RHOU: variants seen among roughly 807,000 people sequenced by gnomAD.
RHOU encodes the protein ras homolog family member U, also known as rho-related GTP-binding protein RhoU.
RHOU carries 8 observed loss-of-function variants against 12.6 expected under a neutral mutation model. The ratio of observed to expected loss-of-function variants is 0.64; its 90% CI spans 0.37 to 1.15. The LOEUF (loss-of-function observed/expected upper bound fraction) is 1.15. Among genes scored for constraint, RHOU ranks in the 50% most tolerant of loss-of-function variants. The pLI is 0.01. For missense variants in RHOU, 258 were observed against 347.0 expected (o/e 0.74, Z 2.04); for synonymous variants, 161 against 147.4 (o/e 1.09, Z -0.67).
chr1:228,736,359 A>G (rs1337075796), intron 1 of RHOU, among the ~76,000 whole-genome samples: 1 of 152,058 alleles, frequency 6.6e-6, no homozygotes, highest in East Asian at 1.9e-4. Context: ...TGCATAGAGC[A>G]AAGTTTCCTG....
chr1:228,708,535 A>C, the RHOU span, among the ~76,000 whole-genome samples: 1 of 151,780 alleles, frequency 6.6e-6, no homozygotes, highest in Non-Finnish European at 1.5e-5. Context: ...TTTTCAACCC[A>C]GAATTTCATA....
the RHOU span, among the ~76,000 whole-genome samples, chr1:228,647,322 C>T: frequency 3.9e-5 from 6 of 152,338 alleles, no homozygotes; most frequent in Admixed American, 3.3e-4. Context: ...GCAGTGGGCC[C>T]CGAGATTTGC....
chr1:228,650,003 C>T, the RHOU span: 2 of 332,888 alleles, frequency 6.0e-6, no homozygotes, highest in South Asian at 2.4e-5. Flanking sequence ...GATTTTTAAC[C>T]ATAATTATTC....
At chr1:228,721,939 C>T in the RHOU span, among the ~76,000 whole-genome samples, 2 of 152,230 alleles carry the variant, frequency 1.3e-5, no homozygotes, top group Non-Finnish European at 2.9e-5. Flanking sequence ...AGGCGTGAGC[C>T]ACCACACCCG....
chr1:228,651,932 TACCCTC>T, the RHOU span, among the ~76,000 whole-genome samples: 2 of 152,222 alleles, frequency 1.3e-5, no homozygotes, highest in African/African-American at 4.8e-5. Flanking sequence ...GTTTTTTACA[TACCCTC>T]TTGGGTCCAA....
the RHOU span, among the ~76,000 whole-genome samples, chr1:228,670,026 G>T: frequency 6.6e-6 from 1 of 152,176 alleles, no homozygotes; most frequent in Non-Finnish European, 1.5e-5. Flanking sequence ...CTTATGGTGG[G>T]CCTGGCCTTG....
At chr1:228,728,268 C>T in the RHOU span, among the ~76,000 whole-genome samples, 1 of 152,198 alleles carries the variant, frequency 6.6e-6, no homozygotes, top group African/African-American at 2.4e-5. Flanking sequence ...CCTTTCTCCT[C>T]TAGGCAAATC....
the RHOU span, among the ~76,000 whole-genome samples, chr1:228,720,692 T>C: frequency 1.3e-5 from 2 of 152,246 alleles, no homozygotes; most frequent in East Asian, 3.8e-4. Flanking sequence ...AATAAATTTC[T>C]GTGGTTTAAG....
the RHOU span, among the ~76,000 whole-genome samples, chr1:228,726,999 T>A: frequency 1.3e-5 from 2 of 152,176 alleles, no homozygotes; most frequent in Non-Finnish European, 2.9e-5. Context: ...ACTTTGCACA[T>A]CCCCTTGCCC....
At chr1:228,724,203 T>C in the RHOU span, among the ~76,000 whole-genome samples, 1 of 152,256 alleles carries the variant, frequency 6.6e-6, no homozygotes, top group Admixed American at 6.5e-5. Context: ...AAATATTTGC[T>C]GAATGAGCAA....
chr1:228,689,792 C>T, the RHOU span, among the ~76,000 whole-genome samples: 2 of 151,804 alleles, frequency 1.3e-5, no homozygotes, highest in Admixed American at 6.6e-5. Flanking sequence ...CAGTTTCATA[C>T]CGAAACCATC....
At chr1:228,706,581 T>G in the RHOU span, among the ~76,000 whole-genome samples, 1 of 152,234 alleles carries the variant, frequency 6.6e-6, no homozygotes, top group Non-Finnish European at 1.5e-5. Flanking sequence ...TACAGTTCAT[T>G]ATGTATGGAG....
the RHOU span, among the ~76,000 whole-genome samples, chr1:228,676,494 A>G: frequency 4.6e-5 from 7 of 151,918 alleles, no homozygotes; most frequent in East Asian, 1.9e-4. Context: ...CTCCATCTCG[A>G]AAAAAAACTG....
At chr1:228,665,104 G>T in the RHOU span, among the ~76,000 whole-genome samples, 1 of 152,154 alleles carries the variant, frequency 6.6e-6, no homozygotes, top group East Asian at 1.9e-4. Context: ...ATGGCTAAGT[G>T]ACTTTTACCT....
chr1:228,672,818 C>T, the RHOU span, among the ~76,000 whole-genome samples: 404 of 152,300 alleles, frequency 2.7e-3, 3 homozygotes, highest in Non-Finnish European at 3.6e-3. Context: ...TGTGTTACTA[C>T]GGTTTCCCAC....
chr1:228,730,990 A>G (rs1244894035), upstream of RHOU, among the ~76,000 whole-genome samples: 1 of 152,258 alleles, frequency 6.6e-6, no homozygotes, highest in African/African-American at 2.4e-5. Flanking sequence ...TACACAGTGG[A>G]AAGTCTATTA....
chr1:228,647,569 C>T, the RHOU span, among the ~76,000 whole-genome samples: 1 of 152,170 alleles, frequency 6.6e-6, no homozygotes, highest in Non-Finnish European at 1.5e-5. Flanking sequence ...TGCCCCTGCC[C>T]GCCCCTTCCC....
chr1:228,694,025 A>T, the RHOU span, among the ~76,000 whole-genome samples: 2 of 152,214 alleles, frequency 1.3e-5, no homozygotes, highest in Non-Finnish European at 2.9e-5. Context: ...CCAGAACCAG[A>T]TCTCAAAATT....
At chr1:228,684,998 C>T in the RHOU span, among the ~76,000 whole-genome samples, 1 of 152,138 alleles carries the variant, frequency 6.6e-6, no homozygotes, top group South Asian at 2.1e-4. Flanking sequence ...TGCTGGTTGC[C>T]TATTTCTATG....
Sources: gnomAD v4.1 joint callset for allele counts (sites outside exome capture counted in the v4.1 genomes callset) on GRCh38, gnomAD v4.1.1 for gene constraint, MANE v1.5 for transcripts, NCBI Gene and HGNC (gene_info 2026-07-23, HGNC 2026-07-21) for gene names.